NALF1: variants seen among roughly 807,000 people sequenced by gnomAD.
NALF1 encodes family with sequence similarity 155 member A.
NALF1 carries 3 observed loss-of-function variants against 48.4 expected under a neutral mutation model. The ratio of observed to expected loss-of-function variants is 0.06; its 90% CI spans 0.03 to 0.16. The LOEUF is 0.16. Among genes scored for constraint, NALF1 ranks in the 10% least tolerant of loss-of-function variants. NALF1 has a pLI of 1.00. For missense variants in NALF1, 526 were observed against 571.5 expected (o/e 0.92, Z 0.81); for synonymous variants, 262 against 245.7 (o/e 1.07, Z -0.62).
At chr13:107,801,114 A>G (rs1878599278) in intron 1 of NALF1, among the ~76,000 whole-genome samples, 1 of 152,220 alleles carries the variant, frequency 6.6e-6, no homozygotes, top group African/African-American at 2.4e-5. Flanking sequence ...ATTTTTCTAC[A>G]GATCAATACA....
intron 2 of NALF1, among the ~76,000 whole-genome samples, chr13:107,204,655 G>A (rs1476898584): frequency 6.6e-6 from 1 of 152,200 alleles, no homozygotes; most frequent in African/African-American, 2.4e-5. Context: ...TTTAATGGAA[G>A]AAGATGTCAC....
At chr13:107,421,554 T>C (rs920241942) in intron 1 of NALF1, among the ~76,000 whole-genome samples, 2 of 152,172 alleles carry the variant, frequency 1.3e-5, no homozygotes, top group Non-Finnish European at 2.9e-5. Context: ...AGGGTAGCTA[T>C]ACTGTTTTTT....
chr13:107,195,981 C>T (rs938746466), intron 2 of NALF1, among the ~76,000 whole-genome samples: 2 of 152,080 alleles, frequency 1.3e-5, no homozygotes, highest in Admixed American at 1.3e-4. Context: ...TAAAAAAGAA[C>T]AAGATTATGT....
intron 1 of NALF1, among the ~76,000 whole-genome samples, chr13:107,313,264 C>T (rs1035134118): frequency 4.0e-5 from 6 of 151,786 alleles, no homozygotes; most frequent in Admixed American, 3.3e-4. Context: ...TTTTCCAGGA[C>T]TCAAGGCATG....
At chr13:107,725,761 G>A (rs1176357085) in intron 1 of NALF1, among the ~76,000 whole-genome samples, 1 of 151,764 alleles carries the variant, frequency 6.6e-6, no homozygotes, top group Admixed American at 6.6e-5. Flanking sequence ...GAACGTGATT[G>A]TATTCGGTAG....
intron 2 of NALF1, among the ~76,000 whole-genome samples, chr13:107,183,013 T>A (rs1364427549): frequency 6.6e-6 from 1 of 152,198 alleles, no homozygotes; most frequent in East Asian, 1.9e-4. Context: ...ATTAAGGTAT[T>A]GTATGGCCAT....
intron 1 of NALF1, among the ~76,000 whole-genome samples, chr13:107,673,045 C>T (rs927116804): frequency 3.9e-5 from 6 of 152,124 alleles, no homozygotes; most frequent in African/African-American, 1.4e-4. Flanking sequence ...ACACCCATAT[C>T]GAACAACAAA....
intron 1 of NALF1, among the ~76,000 whole-genome samples, chr13:107,251,444 A>C (rs1880698169): frequency 6.6e-6 from 1 of 152,194 alleles, no homozygotes; most frequent in South Asian, 2.1e-4. Context: ...TGAAGAGAAG[A>C]TTGTGCTTTT....
intron 1 of NALF1, among the ~76,000 whole-genome samples, chr13:107,739,464 T>C (rs1444360780): frequency 6.7e-6 from 1 of 149,888 alleles, no homozygotes; most frequent in Non-Finnish European, 1.5e-5. Flanking sequence ...CATGTGTATA[T>C]AAAATCTGGC....
intron 2 of NALF1, among the ~76,000 whole-genome samples, chr13:107,199,104 GAC>G (rs1879455251): frequency 6.6e-6 from 1 of 151,924 alleles, no homozygotes. Flanking sequence ...AGTTCAATAG[GAC>G]AGATGTCATT....
chr13:107,847,838 C>A (rs1218877693), intron 1 of NALF1, among the ~76,000 whole-genome samples: 1 of 152,194 alleles, frequency 6.6e-6, no homozygotes, highest in Non-Finnish European at 1.5e-5. Flanking sequence ...AGATAATAAA[C>A]ACGACTTGTT....
intron 1 of NALF1, among the ~76,000 whole-genome samples, chr13:107,647,842 C>T (rs754059576): frequency 1.3e-5 from 2 of 152,088 alleles, no homozygotes; most frequent in African/African-American, 4.8e-5. Flanking sequence ...AGCTTCTTCA[C>T]ATATTTGAAA....
At chr13:107,246,097 C>T (rs1880578424) in intron 1 of NALF1, among the ~76,000 whole-genome samples, 1 of 152,118 alleles carries the variant, frequency 6.6e-6, no homozygotes, top group Non-Finnish European at 1.5e-5. Context: ...TTCCTGAAAC[C>T]CAGAGCATTT....
At chr13:107,359,570 A>C (rs955641142) in intron 1 of NALF1, among the ~76,000 whole-genome samples, 2 of 151,498 alleles carry the variant, frequency 1.3e-5, no homozygotes, top group Non-Finnish European at 3.0e-5. Context: ...TGCTCTCTAA[A>C]AGTTTTGTTT....
intron 1 of NALF1, among the ~76,000 whole-genome samples, chr13:107,558,124 G>GA (rs765351614): frequency 0.03 from 4,133 of 137,974 alleles, 74 homozygotes; most frequent in African/African-American, 0.061. Context: ...AATCTTCCAA[G>GA]AAAAAAAAAA....
intron 1 of NALF1, among the ~76,000 whole-genome samples, chr13:107,528,927 C>A (rs910626118): frequency 6.6e-6 from 1 of 152,132 alleles, no homozygotes; most frequent in Non-Finnish European, 1.5e-5. Flanking sequence ...GGACACAATT[C>A]TTTCTATCAT....
At chr13:107,233,773 T>C (rs1222948968) in intron 1 of NALF1, among the ~76,000 whole-genome samples, 2 of 152,172 alleles carry the variant, frequency 1.3e-5, no homozygotes, top group African/African-American at 4.8e-5. Flanking sequence ...CAACTACATT[T>C]ACCACACAAT....
chr13:107,382,906 A>C (rs188821212), intron 1 of NALF1, among the ~76,000 whole-genome samples: 1 of 152,336 alleles, frequency 6.6e-6, no homozygotes, highest in Admixed American at 6.5e-5. Context: ...GGTGTGAAAC[A>C]GACAACAGAA....
In NALF1 at chr13:107,793,366, G is replaced by A. The variant is rs536699676; in HGVS notation, c.915+72316C>T. Among the ~76,000 whole-genome samples the A allele has an allele frequency of 6.3e-4, 96 of 152,312 alleles. 1 individual carries two copies. Among genetic ancestry groups the A allele is most frequent in the African/African-American group, 2.2e-3 (93 of 41,568 alleles). On this transcript the variant is annotated intron_variant, in intron 1 of 2. Transcript: ENST00000375915. ...CATTGTCAACACTAGAACTGGTTAT[G>A]ATGCAAGAATTGTCCTAACATATAG...
Sources: allele counts gnomAD v4.1 joint callset (sites outside exome capture counted in the v4.1 genomes callset), GRCh38; gene constraint gnomAD v4.1.1; transcripts MANE v1.5; gene names NCBI Gene and HGNC (gene_info 2026-07-23, HGNC 2026-07-21).